Variants in GALNT13 observed in about 807,000 individuals in gnomAD.
GALNT13 encodes the protein UDP-GalNAc:polypeptide N-acetylgalactosaminyltransferase 13.
In GALNT13, 28 loss-of-function variants were observed where a neutral mutation model predicts 64.2. The ratio of observed to expected loss-of-function variants is 0.44; its 90% CI spans 0.32 to 0.60. The LOEUF (loss-of-function observed/expected upper bound fraction) is 0.60, where lower values mean the gene tolerates loss of function less well. Among genes scored for constraint, GALNT13 ranks in the 20% least tolerant of loss-of-function variants. GALNT13 has a pLI of 0.05. For missense variants in GALNT13, 577 were observed against 669.8 expected, an observed-to-expected ratio of 0.86 and a Z score of 1.53; for synonymous variants, 214 against 224.6, an observed-to-expected ratio of 0.95 and a Z score of 0.42.
the GALNT13 span, among the ~76,000 whole-genome samples, chr2:153,273,870 T>C: frequency 6.6e-6 from 1 of 152,242 alleles, no homozygotes; most frequent in South Asian, 2.1e-4. Flanking sequence ...GAAACTAAAA[T>C]TGATCCTTAT....
At chr2:153,492,987 T>C in the GALNT13 span, among the ~76,000 whole-genome samples, 1 of 152,048 alleles carries the variant, frequency 6.6e-6, no homozygotes, top group Non-Finnish European at 1.5e-5. Flanking sequence ...TCAAACTGAA[T>C]GATAATGTGA....
At chr2:153,548,868 A>G in the GALNT13 span, among the ~76,000 whole-genome samples, 5 of 152,242 alleles carry the variant, frequency 3.3e-5, no homozygotes, top group African/African-American at 9.6e-5. Flanking sequence ...CGAAGTGGAA[A>G]TAACCCAAAT....
chr2:154,441,945 T>C (rs774333537), intron 12 of GALNT13: 13 of 152,134 alleles, frequency 8.5e-5, no homozygotes, highest in Non-Finnish European at 1.9e-4. Flanking sequence ...GGTAAATGCC[T>C]CGTTTAAGTT....
chr2:153,833,738 G>C, the GALNT13 span, among the ~76,000 whole-genome samples: 2 of 152,122 alleles, frequency 1.3e-5, no homozygotes, highest in African/African-American at 4.8e-5. Flanking sequence ...CAGCAGGCCA[G>C]ATTTGGGTCA....
chr2:154,340,164 A>G (rs1418389175), intron 9 of GALNT13, among the ~76,000 whole-genome samples: 3 of 152,076 alleles, frequency 2.0e-5, no homozygotes, highest in East Asian at 1.9e-4. Flanking sequence ...CTATTGCTCC[A>G]ACTCTCTAAC....
chr2:153,350,384 C>CTTTTTT, the GALNT13 span, among the ~76,000 whole-genome samples: 3,819 of 129,726 alleles, frequency 0.029, 97 homozygotes, highest in Non-Finnish European at 0.043. Flanking sequence ...TTCTTTCTTT[C>CTTTTTT]TTTTTTTTTT....
At chr2:154,426,963 G>A (rs1190490599) in intron 11 of GALNT13, among the ~76,000 whole-genome samples, 2 of 152,112 alleles carry the variant, frequency 1.3e-5, no homozygotes, top group Non-Finnish European at 2.9e-5. Context: ...TATATCCTTA[G>A]CATTGTTATT....
the GALNT13 span, among the ~76,000 whole-genome samples, chr2:153,394,398 TA>T: frequency 6.6e-6 from 1 of 152,158 alleles, no homozygotes; most frequent in African/African-American, 2.4e-5. Context: ...TCTAAGAATT[TA>T]AATTGGGCCC....
chr2:153,749,150 A>AT, the GALNT13 span, among the ~76,000 whole-genome samples: 1 of 151,520 alleles, frequency 6.6e-6, no homozygotes, highest in African/African-American at 2.4e-5. Context: ...GGGTGTATGG[A>AT]TTTTTTTCTG....
chr2:154,091,848 CTT>C (rs1361262151), intron 3 of GALNT13, among the ~76,000 whole-genome samples: 1 of 151,536 alleles, frequency 6.6e-6, no homozygotes, highest in Non-Finnish European at 1.5e-5. Flanking sequence ...TAACTAATGA[CTT>C]TGATGAAATG....
intron 9 of GALNT13, among the ~76,000 whole-genome samples, chr2:154,366,355 T>G (rs1697361356): frequency 6.6e-6 from 1 of 152,182 alleles, no homozygotes; most frequent in African/African-American, 2.4e-5. Context: ...ATTACAAATT[T>G]AAGGATGTAT....
At chr2:153,547,115 A>G in the GALNT13 span, among the ~76,000 whole-genome samples, 1 of 152,210 alleles carries the variant, frequency 6.6e-6, no homozygotes, top group Non-Finnish European at 1.5e-5. Flanking sequence ...TTCCTGCACT[A>G]TTAGTCCTTT....
chr2:153,492,828 T>C, the GALNT13 span, among the ~76,000 whole-genome samples: 1 of 152,170 alleles, frequency 6.6e-6, no homozygotes, highest in Non-Finnish European at 1.5e-5. Context: ...TCCAAAAGTA[T>C]TGAAATAGAG....
At chr2:154,294,209 T>G (rs1234650123) in intron 8 of GALNT13, among the ~76,000 whole-genome samples, 1 of 152,210 alleles carries the variant, frequency 6.6e-6, no homozygotes, top group Non-Finnish European at 1.5e-5. Flanking sequence ...ACCACTTCTT[T>G]GTATCTATCC....
intron 3 of GALNT13, among the ~76,000 whole-genome samples, chr2:154,119,572 T>C (rs1681812676): frequency 6.6e-6 from 1 of 152,012 alleles, no homozygotes; most frequent in Admixed American, 6.5e-5. Flanking sequence ...AGACTTGTTC[T>C]AGTGAAGGTG....
At chr2:154,000,815 C>T (rs1695856000) in intron 3 of GALNT13, among the ~76,000 whole-genome samples, 2 of 151,894 alleles carry the variant, frequency 1.3e-5, no homozygotes, top group African/African-American at 4.8e-5. Context: ...ATTTGGAAAA[C>T]AGCACAGTTT....
chr2:153,415,490 G>A, the GALNT13 span, among the ~76,000 whole-genome samples: 1 of 152,218 alleles, frequency 6.6e-6, no homozygotes, highest in Non-Finnish European at 1.5e-5. Flanking sequence ...ATGGACTACT[G>A]TGTTAAATCT....
the GALNT13 span, among the ~76,000 whole-genome samples, chr2:153,728,438 G>C: frequency 6.6e-6 from 1 of 152,026 alleles, no homozygotes; most frequent in South Asian, 2.1e-4. Context: ...GAAGTTATTT[G>C]AAACCAATGA....
At chr2:153,751,917 T>C in the GALNT13 span, among the ~76,000 whole-genome samples, 5 of 152,002 alleles carry the variant, frequency 3.3e-5, no homozygotes, top group Admixed American at 2.0e-4. Flanking sequence ...TTTCTTTCCT[T>C]CCTGTCTTTT....
Sources: allele counts gnomAD v4.1 joint callset (sites outside exome capture counted in the v4.1 genomes callset), GRCh38; gene constraint gnomAD v4.1.1; transcripts MANE v1.5; gene names NCBI Gene and HGNC (gene_info 2026-07-23, HGNC 2026-07-21).